NRG1: variants seen among roughly 807,000 people sequenced by gnomAD.
NRG1 encodes the protein neuregulin 1, also known as pro-neuregulin-1, membrane-bound isoform.
In NRG1, 18 loss-of-function variants were observed where a neutral mutation model predicts 63.8. The observed-to-expected ratio is 0.28, with a 90% CI of 0.19 to 0.42. The LOEUF is 0.42. Among genes scored for constraint, NRG1 ranks in the 10% least tolerant of loss-of-function variants. The probability of loss-of-function intolerance (pLI) is 1.00; values close to 1 mark genes in which losing one functional copy is unlikely to be tolerated. For synonymous variants in NRG1, 302 were observed against 301.3 expected (o/e 1.00, Z -0.02); for missense variants, 762 against 814.7 (o/e 0.94, Z 0.79).
In NRG1 at chr8:32,650,054, C is replaced by A. The variant is rs577900548; in HGVS notation, c.502+33169C>A. Among the ~76,000 whole-genome samples the A allele has an allele frequency of 3.3e-5, 5 of 152,292 alleles. No homozygotes were observed. The South Asian group carries it at 6.2e-4, about 19-fold the overall frequency. On this transcript the variant is annotated intron_variant, in intron 5 of 11. Coordinates refer to ENST00000356819, the Ensembl canonical transcript of NRG1. Reference sequence around the variant, plus strand: ...CTTTGAAAAACACTTCAACTAAATTCTATAATTTTGTCATCTGAGGAAATC... The same window carrying A: ...CTTTGAAAAACACTTCAACTAAATTATATAATTTTGTCATCTGAGGAAATC...
intron 1 of NRG1, among the ~76,000 whole-genome samples, chr8:31,642,051 C>A (rs1309658700): frequency 2.0e-5 from 3 of 152,172 alleles, no homozygotes; most frequent in Admixed American, 6.5e-5. Context: ...TAGGATTGCA[C>A]CACTCAGTGG....
intron 1 of NRG1, among the ~76,000 whole-genome samples, chr8:31,937,090 A>G (rs1159788268): frequency 2.6e-5 from 4 of 152,022 alleles, no homozygotes; most frequent in Non-Finnish European, 4.4e-5. Flanking sequence ...AGCTTCTACA[A>G]CCCCTCCCAG....
chr8:31,998,539 T>C (rs1431054324), intron 1 of NRG1, among the ~76,000 whole-genome samples: 1 of 152,024 alleles, frequency 6.6e-6, no homozygotes, highest in Non-Finnish European at 1.5e-5. Context: ...TTGTAGTGCA[T>C]GCTGTAACTG....
chr8:32,513,641 C>A (rs931079498), intron 1 of NRG1, among the ~76,000 whole-genome samples: 6 of 152,092 alleles, frequency 3.9e-5, no homozygotes, highest in Non-Finnish European at 2.9e-5. Flanking sequence ...GCAAATCCAA[C>A]CAGAAGTATC....
chr8:32,652,362 G>C (rs984659147), intron 5 of NRG1, among the ~76,000 whole-genome samples: 5 of 152,022 alleles, frequency 3.3e-5, no homozygotes, highest in African/African-American at 1.2e-4. Flanking sequence ...AAACAGCATG[G>C]GTTGCCTAGG....
chr8:32,006,975 GC>G (rs57738877), intron 1 of NRG1, among the ~76,000 whole-genome samples: 4,153 of 152,064 alleles, frequency 0.027, 191 homozygotes, highest in African/African-American at 0.095. Flanking sequence ...AAAACCAGTA[GC>G]TGTTTATTTT....
intron 2 of NRG1, among the ~76,000 whole-genome samples, 176 bp from the exon 3 acceptor site, chr8:32,605,382 TCTTA>T (rs1161516602): frequency 1.3e-5 from 2 of 152,190 alleles, no homozygotes; most frequent in Non-Finnish European, 2.9e-5. Context: ...ATGTGATGCA[TCTTA>T]CTTTTACTCT....
chr8:32,711,223 G>GTT (rs796371397), intron 5 of NRG1, among the ~76,000 whole-genome samples: 24 of 135,706 alleles, frequency 1.8e-4, no homozygotes, highest in Admixed American at 3.7e-4. Context: ...TTCAGCCTCA[G>GTT]TTTTTTTTTT....
At chr8:31,693,328 A>G (rs1273501237) in intron 1 of NRG1, among the ~76,000 whole-genome samples, 1 of 152,222 alleles carries the variant, frequency 6.6e-6, no homozygotes, top group Admixed American at 6.5e-5. Flanking sequence ...CTTGGAATAT[A>G]ATTTGTCCAA....
chr8:31,885,651 A>G (rs975231500), intron 1 of NRG1, among the ~76,000 whole-genome samples: 12 of 152,150 alleles, frequency 7.9e-5, no homozygotes, highest in African/African-American at 2.7e-4. Flanking sequence ...AGTTTTCTCC[A>G]TAGCATCCAT....
chr8:32,234,751 T>G (rs1022824124), intron 1 of NRG1, among the ~76,000 whole-genome samples: 2 of 151,822 alleles, frequency 1.3e-5, no homozygotes, highest in African/African-American at 4.8e-5. Flanking sequence ...GGTTGGAGAG[T>G]GAGGAAATGT....
intron 1 of NRG1, among the ~76,000 whole-genome samples, chr8:31,961,873 A>G (rs2129626158): frequency 6.6e-6 from 1 of 152,350 alleles, no homozygotes; most frequent in Admixed American, 6.5e-5. Context: ...ACATAATAAA[A>G]GATAAAATTA....
At chr8:31,812,345 GC>G (rs1301606147) in intron 1 of NRG1, among the ~76,000 whole-genome samples, 4 of 152,142 alleles carry the variant, frequency 2.6e-5, no homozygotes, top group African/African-American at 9.7e-5. Context: ...TATAGGATGG[GC>G]CTGAGAATTT....
chr8:32,132,229 C>T (rs1284899486), intron 1 of NRG1, among the ~76,000 whole-genome samples: 3 of 151,968 alleles, frequency 2.0e-5, no homozygotes, highest in East Asian at 3.9e-4. Context: ...TTGTGAGGTA[C>T]GAATTATGAC....
At chr8:32,607,008 G>T (rs969341588) in intron 3 of NRG1, among the ~76,000 whole-genome samples, 1 of 152,122 alleles carries the variant, frequency 6.6e-6, no homozygotes, top group Non-Finnish European at 1.5e-5. Flanking sequence ...CTCCATCACA[G>T]AGTAATCAAA....
intron 1 of NRG1, among the ~76,000 whole-genome samples, chr8:32,119,775 A>C (rs956135833): frequency 6.6e-6 from 1 of 152,058 alleles, no homozygotes; most frequent in African/African-American, 2.4e-5. Flanking sequence ...TTCTAGAATA[A>C]TTTTGTGGAG....
chr8:32,204,020 AAGG>A (rs1440174631), intron 1 of NRG1, among the ~76,000 whole-genome samples: 1 of 152,200 alleles, frequency 6.6e-6, no homozygotes, highest in Non-Finnish European at 1.5e-5. Context: ...TAAAGATTTG[AAGG>A]AGTTGAGTAG....
chr8:32,487,114 A>T (rs1825996117), intron 1 of NRG1, among the ~76,000 whole-genome samples: 5 of 151,794 alleles, frequency 3.3e-5, no homozygotes, highest in Admixed American at 2.0e-4. Context: ...GCAAAGCAAA[A>T]TCTCATCTTT....
intron 1 of NRG1, among the ~76,000 whole-genome samples, chr8:32,055,146 T>A (rs745938829): frequency 2.6e-5 from 4 of 152,060 alleles, no homozygotes; most frequent in Non-Finnish European, 5.9e-5. Context: ...TGCCTTGGCC[T>A]CCCAAAGTGC....
Sources: gnomAD v4.1 joint callset for allele counts (sites outside exome capture counted in the v4.1 genomes callset) on GRCh38, gnomAD v4.1.1 for gene constraint, MANE v1.5 for transcripts, NCBI Gene and HGNC (gene_info 2026-07-23, HGNC 2026-07-21) for gene names.